Variants in ABHD16B observed in about 807,000 individuals in gnomAD.
ABHD16B encodes abhydrolase domain-containing protein 16B.
ABHD16B carries 14 observed loss-of-function variants against 10.5 expected under a neutral mutation model. The ratio of observed to expected loss-of-function variants is 1.33; its 90% CI spans 0.88 to 2.08. ABHD16B has a LOEUF of 2.08. Ranked by LOEUF, ABHD16B falls within the 30% of genes most tolerant of loss-of-function variation. The pLI is 0.00. For synonymous variants in ABHD16B, 374 were observed against 337.9 expected, an observed-to-expected ratio of 1.11 and a Z score of -1.17; for missense variants, 763 against 717.4, an observed-to-expected ratio of 1.06 and a Z score of -0.73.
rs758497660 is a variant in ABHD16B at position 63,861,782 on chromosome 20, G to C, written c.242G>C (p.Ser81Thr). 2.1e-6 allele frequency: 3 copies of C among 1,446,370 alleles called. No homozygotes were observed. Among genetic ancestry groups the C allele is most frequent in the Non-Finnish European group, 2.7e-6 (3 of 1,107,690 alleles). 89.6% of individuals were successfully genotyped at this position (1,446,370 alleles called of 1,614,324 possible). Residue 81 changes from serine (S) to threonine (T), a missense_variant, in exon 1 of 1, where the codon AGC becomes ACC. Ser to Thr is a moderately conservative substitution (Grantham distance 58, BLOSUM62 1). Transcript: ENST00000369916. The surrounding 1 kb of genome is among the most constrained non-coding windows in gnomAD (Gnocchi z 5.4). Reference sequence around the variant, plus strand: ...GGGCGGCCTCCACGTGGGGCGCGCAGCCAGGCGCAGTGCCTCTTGCAGCAG... The same window carrying C: ...GGGCGGCCTCCACGTGGGGCGCGCACCCAGGCGCAGTGCCTCTTGCAGCAG... Reference protein sequence around the residue: ...ALGRPPRGARSQAQCLLQQLR... With the variant: ...ALGRPPRGARTQAQCLLQQLR...
rs377218940 is a variant in ABHD16B at position 63,861,885 on chromosome 20, C to T, written c.345C>T (p.Ser115=). The T allele has an allele frequency of 1.1e-3, 1,671 of 1,579,568 alleles. 3 individuals carry two copies. The highest frequency in any genetic ancestry group is 1.3e-3 in the Non-Finnish European group (1,468 of 1,169,590). Residue 115 remains serine (S), a synonymous_variant, in exon 1 of 1, where the codon TCC becomes TCT. Coordinates refer to ENST00000369916, the MANE Select transcript of ABHD16B (RefSeq NM_080622.4). The surrounding 1 kb of genome is among the most constrained non-coding windows in gnomAD (Gnocchi z 5.4). The stretch of plus-strand genomic sequence containing the variant: ...GCCGCTGGCTCGTGTACCCCGGCTC[C>T]GTGTCCCTGATGACGCGCGCGCTGC... ...SLGRWLVYPG[S]VSLMTRALLP...
Position 63,862,610 on chromosome 20 carries a change from C to T in ABHD16B, c.1070C>T (p.Pro357Leu), listed in dbSNP as rs2052100999. 1.3e-6 allele frequency: 2 copies of T among 1,552,328 alleles called. No individual in the cohort carries two copies. Among genetic ancestry groups the T allele is most frequent in the African/African-American group, 1.4e-5 (1 of 73,818 alleles). The change falls in exon 1 of 1, where the codon CCC becomes CTC. Residue 357 changes from proline (P) to leucine (L), a missense_variant. Coordinates refer to ENST00000369916, the MANE Select transcript of ABHD16B (RefSeq NM_080622.4). This position sits in a 1 kb window ranked among gnomAD's most constrained non-coding sequence, Gnocchi z 7.5. ...LLLRLLEHRY[P>L]VVMAREGRAV... is the part of the protein sequence containing the mutation. ...CTGCGCCTGCTGGAGCACCGCTACCCCGTCGTGATGGCGCGAGAGGGCCGC... is the reference window on the plus strand; with the variant it reads ...CTGCGCCTGCTGGAGCACCGCTACCTCGTCGTGATGGCGCGAGAGGGCCGC...
Position 63,862,356 on chromosome 20 carries a change from C to T in ABHD16B, c.816C>T (p.Phe272=), listed in dbSNP as rs766220781. Residue 272 remains phenylalanine, a synonymous_variant, in exon 1 of 1, where the codon TTC becomes TTT. Transcript: ENST00000369916. The surrounding 1 kb of genome is among the most constrained non-coding windows in gnomAD (Gnocchi z 7.5). ...GTGCACTGGTGCTGGACGCCACCTT[C>T]GACGACCTTGTGCCGCTGGCGCTGA... ...ELGALVLDAT[F]DDLVPLALKV... The T allele has an allele frequency of 1.9e-6, 3 of 1,611,824 alleles. No homozygotes were observed. Among genetic ancestry groups the T allele is most frequent in the Non-Finnish European group, 8.5e-7 (1 of 1,179,554 alleles).
In ABHD16B at chr20:63,862,454, A is replaced by C. The variant is rs1445824378; in HGVS notation, c.914A>C (p.Glu305Ala). Reference protein sequence around the residue: ...VREHFNLNVAEQLCCYPGPVL... With the variant: ...VREHFNLNVAAQLCCYPGPVL... ...GAGCACTTCAACCTCAACGTGGCCG[A>C]GCAGCTGTGCTGCTACCCGGGGCCG... The change falls in exon 1 of 1, where the codon GAG (glutamate) becomes GCG (alanine). Residue 305 changes from glutamate to alanine, a missense_variant. Physicochemically the swap from Glu to Ala is moderately radical, Grantham distance 107. Transcript: ENST00000369916. This position sits in a 1 kb window ranked among gnomAD's most constrained non-coding sequence, Gnocchi z 7.5. 4 of 1,568,990 alleles carry C rather than the reference A, an allele frequency of 2.5e-6. No individual in the cohort carries two copies. The highest frequency in any genetic ancestry group is 3.4e-6 in the Non-Finnish European group (4 of 1,162,126).
rs755960974 is a variant in ABHD16B at position 63,862,071 on chromosome 20, C to G, written c.531C>G (p.Cys177Trp). ...ACGGGCCGCGCCTCGTCATCTGCTG[C>G]GAAGGCAACGCGGGCTTCTACGAGA... is the stretch of plus-strand genomic sequence containing the variant. ...HVHGPRLVICCEGNAGFYEMG... is the reference protein window; with the variant it reads ...HVHGPRLVICWEGNAGFYEMG... Residue 177 changes from cysteine (C) to tryptophan (W), a missense_variant, in exon 1 of 1, where the codon TGC (cysteine) becomes TGG (tryptophan). By Grantham distance (215) the Cys-to-Trp change is radical (BLOSUM62 -2). Transcript: ENST00000369916. The surrounding 1 kb of genome is among the most constrained non-coding windows in gnomAD (Gnocchi z 7.5). 1 of 1,611,214 alleles carries G rather than the reference C, an allele frequency of 6.2e-7. No individual in the cohort carries two copies. Among genetic ancestry groups the G allele is most frequent in the Admixed American group, 1.7e-5 (1 of 59,936 alleles).
In ABHD16B at chr20:63,862,116, G is replaced by T. The variant is rs765928080; in HGVS notation, c.576G>T (p.Pro192=). 6.2e-7 allele frequency: 1 copy of T among 1,611,706 alleles called. No individual in the cohort carries two copies. ...GFYEMGCLSA[P]LEAGYSVLGW... is the part of the protein sequence containing the mutation. ...ACGAGATGGGCTGTCTGTCTGCACCGCTCGAGGCCGGCTACTCCGTGCTGG... is the reference window on the plus strand; with the variant it reads ...ACGAGATGGGCTGTCTGTCTGCACCTCTCGAGGCCGGCTACTCCGTGCTGG... Residue 192 remains proline, a synonymous_variant, in exon 1 of 1, where the codon CCG becomes CCT. Coordinates refer to ENST00000369916, the MANE Select transcript of ABHD16B (RefSeq NM_080622.4). The surrounding 1 kb of genome is among the most constrained non-coding windows in gnomAD (Gnocchi z 7.5).
Position 63,861,824 on chromosome 20 carries a change from G to A in ABHD16B, c.284G>A (p.Gly95Asp). Residue 95 changes from glycine (G) to aspartate (D), a missense_variant, in exon 1 of 1, where the codon GGC (glycine) becomes GAC (aspartate). Gly to Asp is a moderately conservative substitution (Grantham distance 94). Coordinates refer to ENST00000369916, the MANE Select transcript of ABHD16B (RefSeq NM_080622.4). The surrounding 1 kb of genome is among the most constrained non-coding windows in gnomAD (Gnocchi z 5.4). Reference sequence around the variant, plus strand: ...TTGCAGCAGCTCCGCGAGCTGCCCGGCCAGCTCGCTAGCTACGCGCTGGCC... The same window carrying A: ...TTGCAGCAGCTCCGCGAGCTGCCCGACCAGCTCGCTAGCTACGCGCTGGCC... ...CLLQQLRELP[G>D]QLASYALAHS... is the part of the protein sequence containing the mutation. 6.6e-7 allele frequency: 1 copy of A among 1,512,120 alleles called. No homozygotes were observed. The highest frequency in any genetic ancestry group is 1.2e-5 in the South Asian group (1 of 82,566). 93.7% of individuals were successfully genotyped at this position (1,512,120 alleles called of 1,614,324 possible).
rs768118976 is a variant in ABHD16B at position 63,861,902 on chromosome 20, G to A, written c.362G>A (p.Arg121His). The stretch of plus-strand genomic sequence containing the variant: ...CCCGGCTCCGTGTCCCTGATGACGC[G>A]CGCGCTGCTGCCGCTGCTGCAGCAG... ...VYPGSVSLMT[R>H]ALLPLLQQGQ... is the part of the protein sequence containing the mutation. The change falls in exon 1 of 1, where the codon CGC (arginine) becomes CAC (histidine). Residue 121 changes from arginine (R) to histidine (H), a missense_variant. Physicochemically the swap from Arg to His is conservative, Grantham distance 29 (BLOSUM62 0). Transcript: ENST00000369916. This position sits in a 1 kb window ranked among gnomAD's most constrained non-coding sequence, Gnocchi z 5.4. 12 of 1,586,594 alleles carry A rather than the reference G, an allele frequency of 7.6e-6. No homozygotes were observed. Among genetic ancestry groups the A allele is most frequent in the South Asian group, 2.2e-5 (2 of 90,270 alleles).
rs762278517 is a variant in ABHD16B, at chr20:63,861,904, G to GCGCTGCTGC, written c.374_382dup (p.Pro125_Leu127dup). ...CGGCTCCGTGTCCCTGATGACGCGC[G>GCGCTGCTGC]CGCTGCTGCCGCTGCTGCAGCAGGG... On this transcript the variant is annotated inframe_insertion, in exon 1 of 1. Coordinates refer to ENST00000369916, the MANE Select transcript of ABHD16B (RefSeq NM_080622.4). The surrounding 1 kb of genome is among the most constrained non-coding windows in gnomAD (Gnocchi z 5.4). 7.6e-6 allele frequency: 12 copies of GCGCTGCTGC among 1,587,704 alleles called. No individual in the cohort carries two copies. The East Asian group carries it at 1.4e-4, about 18-fold the overall frequency.
In ABHD16B at chr20:63,861,593, T is replaced by C; in HGVS notation, c.53T>C (p.Leu18Pro). The C allele has an allele frequency of 6.4e-7, 1 of 1,560,892 alleles. No individual in the cohort carries two copies. The highest frequency in any genetic ancestry group is 8.7e-7 in the Non-Finnish European group (1 of 1,155,038). The change falls in exon 1 of 1, where the codon CTG (leucine) becomes CCG (proline). Residue 18 changes from leucine (L) to proline (P), a missense_variant. Leu to Pro is a moderately conservative substitution (Grantham distance 98, BLOSUM62 -3). Transcript: ENST00000369916. This position sits in a 1 kb window ranked among gnomAD's most constrained non-coding sequence, Gnocchi z 5.4. ...CTGGTGCGCGTGTTCAAGATCTACC[T>C]GACCGCCAGCTACACCTACCCATTC... is the stretch of plus-strand genomic sequence containing the variant. The part of the protein sequence containing the change: ...KALVRVFKIY[L>P]TASYTYPFRG...
Position 63,861,640 on chromosome 20 carries a change from C to G in ABHD16B, c.100C>G (p.Arg34Gly). The change falls in exon 1 of 1, where the codon CGC becomes GGC. Residue 34 changes from arginine to glycine, a missense_variant. Physicochemically the swap from Arg to Gly is moderately radical, Grantham distance 125. Transcript: ENST00000369916. This position sits in a 1 kb window ranked among gnomAD's most constrained non-coding sequence, Gnocchi z 5.4. Reference sequence around the variant, plus strand: ...ATTCCGCGGCTGGCCCGTGGCCTTCCGCTGGGATGACGTGCGCGCCGTGGG... The same window carrying G: ...ATTCCGCGGCTGGCCCGTGGCCTTCGGCTGGGATGACGTGCGCGCCGTGGG... ...YPFRGWPVAF[R>G]WDDVRAVGRS... is the part of the protein sequence containing the mutation. 1 of 1,547,078 alleles carries G rather than the reference C, an allele frequency of 6.5e-7. No individual in the cohort carries two copies. Among genetic ancestry groups the G allele is most frequent in the Non-Finnish European group, 8.7e-7 (1 of 1,148,498 alleles).
rs765928080 is a variant in ABHD16B, at chr20:63,862,116, G to A, written c.576G>A (p.Pro192=). The change falls in exon 1 of 1, where the codon CCG becomes CCA. Residue 192 remains proline (P), a synonymous_variant. Coordinates refer to ENST00000369916, the MANE Select transcript of ABHD16B (RefSeq NM_080622.4). The surrounding 1 kb of genome is among the most constrained non-coding windows in gnomAD (Gnocchi z 7.5). The part of the protein sequence containing the change: ...GFYEMGCLSA[P]LEAGYSVLGW... Reference sequence around the variant, plus strand: ...ACGAGATGGGCTGTCTGTCTGCACCGCTCGAGGCCGGCTACTCCGTGCTGG... The same window carrying A: ...ACGAGATGGGCTGTCTGTCTGCACCACTCGAGGCCGGCTACTCCGTGCTGG... 22 of 1,611,584 alleles carry A rather than the reference G, an allele frequency of 1.4e-5. No homozygotes were observed. The highest frequency in any genetic ancestry group is 2.2e-5 in the East Asian group (1 of 44,852).
rs780728703 is a variant in ABHD16B at position 63,862,463 on chromosome 20, G to C, written c.923G>C (p.Cys308Ser). ...HFNLNVAEQL[C>S]CYPGPVLLLR... is the part of the protein sequence containing the mutation. ...AACCTCAACGTGGCCGAGCAGCTGTGCTGCTACCCGGGGCCGGTGCTGCTG... is the reference window on the plus strand; with the variant it reads ...AACCTCAACGTGGCCGAGCAGCTGTCCTGCTACCCGGGGCCGGTGCTGCTG... Residue 308 changes from cysteine to serine, a missense_variant, in exon 1 of 1, where the codon TGC (cysteine) becomes TCC (serine). By Grantham distance (112) the Cys-to-Ser change is moderately radical. Coordinates refer to ENST00000369916, the MANE Select transcript of ABHD16B (RefSeq NM_080622.4). This position sits in a 1 kb window ranked among gnomAD's most constrained non-coding sequence, Gnocchi z 7.5. 2 of 1,566,094 alleles carry C rather than the reference G, an allele frequency of 1.3e-6. No individual in the cohort carries two copies. Among genetic ancestry groups the C allele is most frequent in the African/African-American group, 2.7e-5 (2 of 74,130 alleles).
chr20:63,861,813 C>G lies in ABHD16B; in HGVS notation c.273C>G (p.Arg91=), dbSNP rs560544546. 6 of 1,463,708 alleles carry G rather than the reference C, an allele frequency of 4.1e-6. No individual in the cohort carries two copies. The highest frequency in any genetic ancestry group is 5.4e-6 in the Non-Finnish European group (6 of 1,101,696). The allele number at this position is 1,463,708 out of a possible 1,614,324, so 90.7% of individuals were successfully genotyped here. ...CGCAGTGCCTCTTGCAGCAGCTCCGCGAGCTGCCCGGCCAGCTCGCTAGCT... is the reference window on the plus strand; with the variant it reads ...CGCAGTGCCTCTTGCAGCAGCTCCGGGAGCTGCCCGGCCAGCTCGCTAGCT... The part of the protein sequence containing the change: ...SQAQCLLQQL[R]ELPGQLASYA... The change falls in exon 1 of 1, where the codon CGC becomes CGG. Residue 91 remains arginine, a synonymous_variant. Coordinates refer to ENST00000369916, the MANE Select transcript of ABHD16B (RefSeq NM_080622.4). The surrounding 1 kb of genome is among the most constrained non-coding windows in gnomAD (Gnocchi z 5.4).
chr20:63,862,109 C>G lies in ABHD16B; in HGVS notation c.569C>G (p.Ser190Cys), dbSNP rs762250360. Residue 190 changes from serine (S) to cysteine (C), a missense_variant, in exon 1 of 1, where the codon TCT (serine) becomes TGT (cysteine). Coordinates refer to ENST00000369916, the MANE Select transcript of ABHD16B (RefSeq NM_080622.4). The surrounding 1 kb of genome is among the most constrained non-coding windows in gnomAD (Gnocchi z 7.5). ...NAGFYEMGCL[S>C]APLEAGYSVL... ...GGCTTCTACGAGATGGGCTGTCTGT[C>G]TGCACCGCTCGAGGCCGGCTACTCC... 1.2e-6 allele frequency: 2 copies of G among 1,611,966 alleles called. No homozygotes were observed. Among genetic ancestry groups the G allele is most frequent in the South Asian group, 1.1e-5 (1 of 91,050 alleles).
Position 63,861,498 on chromosome 20 carries a change from G to A in ABHD16B, c.-43G>A. The A allele has an allele frequency of 6.5e-7, 1 of 1,532,188 alleles. No homozygotes were observed. The highest frequency in any genetic ancestry group is 1.2e-5 in the South Asian group (1 of 83,756). The allele number at this position is 1,532,188 out of a possible 1,614,324, so 94.9% of individuals were successfully genotyped here. A position where few individuals can be genotyped will look rare whatever the true frequency, so the allele number is the denominator to read the frequency against. ...CCCCTAAGACTGCCCTGTGCCTCTC[G>A]CGGCGATCCCGGCCCAGCGGCTGGG... On this transcript the variant is annotated 5_prime_UTR_variant, in exon 1 of 1. Transcript: ENST00000369916. This position sits in a 1 kb window ranked among gnomAD's most constrained non-coding sequence, Gnocchi z 5.4.
In ABHD16B at chr20:63,862,518, C is replaced by T. The variant is rs528923014; in HGVS notation, c.978C>T (p.Ser326=). The T allele has an allele frequency of 7.5e-5, 117 of 1,568,620 alleles. 1 individual carries two copies. In the South Asian group the frequency reaches 1.3e-3, roughly 18 times the overall value. ...GACGCACGCAGGATGACGTGGTCAG[C>T]ACTTCGGGCCGCCTGCGCCCCCTGT... ...LLRRTQDDVV[S]TSGRLRPLSP... is the part of the protein sequence containing the mutation. Residue 326 remains serine (S), a synonymous_variant, in exon 1 of 1, where the codon AGC becomes AGT. Transcript: ENST00000369916. The surrounding 1 kb of genome is among the most constrained non-coding windows in gnomAD (Gnocchi z 7.5).
In ABHD16B at chr20:63,862,746, T is replaced by A. The variant is rs2052103816; in HGVS notation, c.1206T>A (p.Arg402=). The A allele has an allele frequency of 2.0e-6, 3 of 1,529,632 alleles. No individual in the cohort carries two copies. Among genetic ancestry groups the A allele is most frequent in the South Asian group, 2.4e-5 (2 of 83,304 alleles). The allele number at this position is 1,529,632 out of a possible 1,614,324, so 94.8% of individuals were successfully genotyped here. A position where few individuals can be genotyped will look rare whatever the true frequency, so the allele number is the denominator to read the frequency against. Reference sequence around the variant, plus strand: ...GCCTGGCGCTGCTGCGCTCCTACCGTGCACGCTGCGAAGAGGAGCTGGAGG... The same window carrying A: ...GCCTGGCGCTGCTGCGCTCCTACCGAGCACGCTGCGAAGAGGAGCTGGAGG... ...DWCLALLRSY[R]ARCEEELEGE... Residue 402 remains arginine, a synonymous_variant, in exon 1 of 1, where the codon CGT becomes CGA. Transcript: ENST00000369916. The surrounding 1 kb of genome is among the most constrained non-coding windows in gnomAD (Gnocchi z 7.5).
At position 63,862,431 on chromosome 20, in the gene ABHD16B, G is replaced by A. The variant is rs762819909; in HGVS notation, c.891G>A (p.Glu297=). 1 of 1,580,418 alleles carries A rather than the reference G, an allele frequency of 6.3e-7. No individual in the cohort carries two copies. The highest frequency in any genetic ancestry group is 8.6e-7 in the Non-Finnish European group (1 of 1,166,972). Residue 297 remains glutamate (E), a synonymous_variant, in exon 1 of 1, where the codon GAG becomes GAA. Transcript: ENST00000369916. The surrounding 1 kb of genome is among the most constrained non-coding windows in gnomAD (Gnocchi z 7.5). ...GGCTGGTGGTGCGCACCGTGCGCGA[G>A]CACTTCAACCTCAACGTGGCCGAGC... ...WKGLVVRTVR[E]HFNLNVAEQL... is the part of the protein sequence containing the mutation.
Sources: allele counts gnomAD v4.1 joint callset, GRCh38; gene constraint gnomAD v4.1.1; non-coding constraint Gnocchi (gnomAD v3.1); transcripts MANE v1.5; gene names NCBI Gene and HGNC (gene_info 2026-07-23, HGNC 2026-07-21).